The following ESRRG variants were observed in gnomAD, a reference collection of about 807,000 sequenced individuals.
ESRRG encodes the protein estrogen-related receptor gamma.
In ESRRG, 13 loss-of-function variants were observed where a neutral mutation model predicts 44.0. The observed-to-expected ratio is 0.30, with a 90% confidence interval of 0.19 to 0.47. The LOEUF (loss-of-function observed/expected upper bound fraction) is 0.47, where lower values mean the gene tolerates loss of function less well. Ranked by LOEUF, ESRRG falls within the 20% of genes least tolerant of loss-of-function variation. The probability of loss-of-function intolerance (pLI) is 1.00; values close to 1 mark genes in which losing one functional copy is unlikely to be tolerated. For missense variants in ESRRG, 395 were observed against 580.6 expected (o/e 0.68, Z 3.29); for synonymous variants, 215 against 214.6 (o/e 1.00, Z -0.02).
chr1:216,723,173 GAT>G, intron 1 of ESRRG, 69 bp downstream of exon 1: 2 of 1,284,468 alleles, frequency 1.6e-6, no homozygotes, highest in South Asian at 1.2e-5. Context: ...AGTGTGTAAA[GAT>G]ATAGTCTGTC....
chr1:216,811,518 A>G (rs924292204), intron 2 of ESRRG, among the ~76,000 whole-genome samples: 13 of 152,210 alleles, frequency 8.5e-5, no homozygotes, highest in Non-Finnish European at 1.5e-4. Flanking sequence ...AACTTTCTGC[A>G]TATTCATTAT....
At chr1:217,050,895 G>A (rs1055446029) in intron 1 of ESRRG, among the ~76,000 whole-genome samples, 3 of 152,066 alleles carry the variant, frequency 2.0e-5, no homozygotes. Context: ...GATAAAAATA[G>A]TGCTGTTTTA....
At chr1:216,650,885 T>C (rs1004047530) in intron 3 of ESRRG, 88 bp downstream of exon 3, 1 of 793,624 alleles carries the variant, frequency 1.3e-6, no homozygotes. Flanking sequence ...CCTCATCTTT[T>C]TCTGGTTTCT....
chr1:216,834,999 C>G (rs61817887), intron 2 of ESRRG, among the ~76,000 whole-genome samples: 5,147 of 152,178 alleles, frequency 0.034, 99 homozygotes, highest in Middle Eastern at 0.058. Flanking sequence ...CTATGATAAT[C>G]AGGGGGAGAT....
chr1:217,102,628 A>G (rs2092534140), intron 1 of ESRRG, among the ~76,000 whole-genome samples: 1 of 152,204 alleles, frequency 6.6e-6, no homozygotes, highest in South Asian at 2.1e-4. Flanking sequence ...CTTCTGAATA[A>G]CCTTCCCCAA....
In ESRRG at chr1:216,892,604, C is replaced by A. The variant is rs147695018; in HGVS notation, c.-14+46978G>T. Among the ~76,000 whole-genome samples the A allele has an allele frequency of 1.9e-3, 282 of 152,206 alleles. 1 individual carries two copies. The highest frequency in any genetic ancestry group is 6.6e-3 in the African/African-American group (276 of 41,538). On this transcript the variant is annotated intron_variant, in intron 2 of 7. Coordinates refer to the ESRRG transcript ENST00000359162. The stretch of plus-strand genomic sequence containing the variant: ...GGGGTTTGGAGGACCTCAGTTCATG[C>A]AGGCTGAGTCTGTAGGATTTGTTCT...
intron 5 of ESRRG, among the ~76,000 whole-genome samples, chr1:216,545,625 A>G (rs1182672197): frequency 6.6e-6 from 1 of 152,034 alleles, no homozygotes; most frequent in Non-Finnish European, 1.5e-5. Flanking sequence ...AAATAATAAG[A>G]AATTGTTTGA....
intron 1 of ESRRG, among the ~76,000 whole-genome samples, chr1:216,710,608 G>T (rs372623218): frequency 1.3e-5 from 2 of 152,154 alleles, no homozygotes; most frequent in Non-Finnish European, 2.9e-5. Context: ...CTTAGCAAAA[G>T]AATCTGTACT....
At chr1:216,695,797 A>C (rs796888660) in intron 1 of ESRRG, among the ~76,000 whole-genome samples, 23 of 152,332 alleles carry the variant, frequency 1.5e-4, no homozygotes, top group African/African-American at 5.3e-4. Flanking sequence ...GATACCATGA[A>C]GTCAAGATCA....
intron 1 of ESRRG, among the ~76,000 whole-genome samples, chr1:217,014,629 G>A (rs2079084192): frequency 6.6e-6 from 1 of 152,138 alleles, no homozygotes; most frequent in African/African-American, 2.4e-5. Context: ...TTCAACTAGT[G>A]TGACCATGGA....
At chr1:216,981,556 T>G (rs1167849657) in intron 1 of ESRRG, among the ~76,000 whole-genome samples, 1 of 152,222 alleles carries the variant, frequency 6.6e-6, no homozygotes, top group Non-Finnish European at 1.5e-5. Flanking sequence ...TTTATTATTT[T>G]ATATTTAATA....
intron 1 of ESRRG, among the ~76,000 whole-genome samples, chr1:217,059,591 T>C (rs2151329623): frequency 6.6e-6 from 1 of 152,196 alleles, no homozygotes; most frequent in South Asian, 2.1e-4. Context: ...AAGAACCAAC[T>C]TGCTGTTGCC....
intron 1 of ESRRG, among the ~76,000 whole-genome samples, chr1:217,011,082 C>T (rs1200568617): frequency 6.6e-6 from 1 of 152,204 alleles, no homozygotes; most frequent in Non-Finnish European, 1.5e-5. Context: ...ACGCCATCAA[C>T]TCATAGTACC....
In ESRRG at chr1:216,647,764, A is replaced by G. The variant is rs140927835; in HGVS notation, c.589+3209T>C. On this transcript the variant is annotated intron_variant, in intron 3 of 6. Transcript: ENST00000408911. ...AAAACAGTGTAATTCTCATTTTTCT[A>G]TCAACTACCCTTTTAATGAAAACCT... Among the ~76,000 whole-genome samples, 817 of 152,266 alleles carry G rather than the reference A, an allele frequency of 5.4e-3. 2 individuals are homozygous for G. Among genetic ancestry groups the G allele is most frequent in the Admixed American group, 9.3e-3 (142 of 15,294 alleles).
chr1:216,518,984 A>G (rs1271223988), intron 6 of ESRRG, among the ~76,000 whole-genome samples, 168 bp downstream of exon 6: 1 of 152,172 alleles, frequency 6.6e-6, no homozygotes, highest in African/African-American at 2.4e-5. Flanking sequence ...CCCTTTAAGT[A>G]TATTTTTCTT....
intron 2 of ESRRG, among the ~76,000 whole-genome samples, chr1:216,906,789 C>T (rs1274448541): frequency 1.3e-5 from 2 of 152,166 alleles, no homozygotes; most frequent in South Asian, 4.1e-4. Flanking sequence ...TAGAACTTCG[C>T]TTTCTCTTTC....
intron 2 of ESRRG, among the ~76,000 whole-genome samples, chr1:216,935,037 T>C (rs2063909966): frequency 6.6e-6 from 1 of 152,142 alleles, no homozygotes. Flanking sequence ...AAAATGTAGA[T>C]TCCTGGTCAA....
chr1:217,043,095 AC>A (rs1462745304), intron 1 of ESRRG, among the ~76,000 whole-genome samples: 1 of 152,106 alleles, frequency 6.6e-6, no homozygotes, highest in African/African-American at 2.4e-5. Context: ...ATTAAGCATT[AC>A]TTGGCATTCA....
chr1:216,988,009 C>A (rs1418242606), intron 1 of ESRRG, among the ~76,000 whole-genome samples: 1 of 152,146 alleles, frequency 6.6e-6, no homozygotes, highest in African/African-American at 2.4e-5. Flanking sequence ...TATTGGCTGC[C>A]TTTCCTTCTC....
Sources: gnomAD v4.1 joint callset for allele counts (sites outside exome capture counted in the v4.1 genomes callset) on GRCh38, gnomAD v4.1.1 for gene constraint, MANE v1.5 for transcripts, NCBI Gene and HGNC (gene_info 2026-07-23, HGNC 2026-07-21) for gene names.